The following GUCY2C variants were observed in gnomAD, a reference collection of about 807,000 sequenced individuals.
GUCY2C encodes the protein guanylyl cyclase C.
Under a neutral mutation model 131.1 loss-of-function variants are expected in GUCY2C, and 118 were observed. The ratio of observed to expected loss-of-function variants is 0.90; its 90% CI spans 0.78 to 1.05. The LOEUF (loss-of-function observed/expected upper bound fraction) is 1.05. Ranked by LOEUF, GUCY2C falls within the 50% of genes least tolerant of loss-of-function variation. The pLI, the probability that GUCY2C is intolerant of heterozygous loss-of-function variation, is 0.00. For missense variants in GUCY2C, 1,161 were observed against 1,304.4 expected (o/e 0.89, Z 1.69); for synonymous variants, 452 against 457.8 (o/e 0.99, Z 0.16).
intron 9 of GUCY2C, among the ~76,000 whole-genome samples, chr12:14,671,081 G>A (rs542554276): frequency 1.3e-5 from 2 of 152,054 alleles, no homozygotes; most frequent in East Asian, 3.9e-4. Flanking sequence ...CCCACAACAC[G>A]TGGGAATTCT....
intron 1 of GUCY2C, among the ~76,000 whole-genome samples, chr12:14,695,600 C>CAAAAAA (rs557450619): frequency 3.4e-5 from 2 of 58,600 alleles, no homozygotes; most frequent in African/African-American, 1.1e-4. Context: ...GACTCCATCT[C>CAAAAAA]AAAAAAAAAA....
intron 6 of GUCY2C, among the ~76,000 whole-genome samples, chr12:14,677,763 A>ATTTTTTTT (rs1948268609): frequency 7.6e-6 from 1 of 131,048 alleles, no homozygotes; most frequent in Non-Finnish European, 1.6e-5. Flanking sequence ...TATTTTTAGT[A>ATTTTTTTT]GAGACGGGTT....
intron 16 of GUCY2C, among the ~76,000 whole-genome samples, 176 bp downstream of exon 16, chr12:14,645,053 A>G (rs1463261420): frequency 6.6e-6 from 1 of 152,194 alleles, no homozygotes; most frequent in East Asian, 1.9e-4. Context: ...TGGTCTTGTT[A>G]TAAGCACGTG....
intron 19 of GUCY2C, among the ~76,000 whole-genome samples, chr12:14,638,269 G>C (rs1042970256): frequency 6.6e-6 from 1 of 152,296 alleles, no homozygotes; most frequent in Non-Finnish European, 1.5e-5. Context: ...CTGTTGATGG[G>C]AATGTAAATT....
At position 14,674,733 on chromosome 12, in the gene GUCY2C, A is replaced by G. The variant is rs150232794; in HGVS notation, c.976T>C (p.Leu326=). ...TGTCCAAAGAGCAGGATTCCATTCA[A>G]ATAGGCAAGAGCAAAGTCTCGTTTT... ...PTKRDFALAY[L]NGILLFGHML... Residue 326 remains leucine, a synonymous_variant, in exon 8 of 27, where the codon TTG becomes CTG. Transcript: ENST00000261170. The G allele has an allele frequency of 6.2e-7, 1 of 1,611,648 alleles. No individual in the cohort carries two copies. The highest frequency in any genetic ancestry group is 8.5e-7 in the Non-Finnish European group (1 of 1,178,524).
At chr12:14,680,433 T>C (rs1036184902) in intron 5 of GUCY2C, among the ~76,000 whole-genome samples, 5 of 152,186 alleles carry the variant, frequency 3.3e-5, no homozygotes, top group Admixed American at 1.3e-4. Context: ...TAAATACTTA[T>C]ATATTTCTTT....
intron 9 of GUCY2C, 97 bp from the exon 10 acceptor site, chr12:14,669,930 C>A: frequency 3.7e-6 from 2 of 537,222 alleles, no homozygotes; most frequent in Non-Finnish European, 6.6e-6. Context: ...CGCTTGATTT[C>A]CATAACAATT....
At chr12:14,667,208 T>C (rs1255085462) in intron 10 of GUCY2C, among the ~76,000 whole-genome samples, 1 of 152,136 alleles carries the variant, frequency 6.6e-6, no homozygotes, top group Non-Finnish European at 1.5e-5. Context: ...CTGACAGTTA[T>C]AATTAAGAAG....
chr12:14,612,987 G>A lies in GUCY2C; in HGVS notation c.*130C>T. 1 of 720,292 alleles carries A rather than the reference G, an allele frequency of 1.4e-6. No homozygotes were observed. The highest frequency in any genetic ancestry group is 1.8e-5 in the South Asian group (1 of 56,500). The allele number at this position is 720,292 out of a possible 1,614,324, so 44.6% of individuals were successfully genotyped here. A position where few individuals can be genotyped will look rare whatever the true frequency, so the allele number is the denominator to read the frequency against. ...GCAAGAAAGTCCATGTTCCAGACAG[G>A]GCAGCCAAGCCTAAGTACATTTCTG... On this transcript the variant is annotated 3_prime_UTR_variant, in exon 27 of 27. Transcript: ENST00000261170.
At chr12:14,637,972 AT>A (rs747280982) in intron 19 of GUCY2C, among the ~76,000 whole-genome samples, 1 of 152,200 alleles carries the variant, frequency 6.6e-6, no homozygotes, top group East Asian at 1.9e-4. Flanking sequence ...CAAACTATTA[AT>A]CTGACAAGGA....
In GUCY2C at chr12:14,692,905, A is replaced by G. The variant is rs369225165; in HGVS notation, c.217+3327T>C. Among the ~76,000 whole-genome samples the G allele has an allele frequency of 2.4e-4, 37 of 152,290 alleles. 1 individual carries two copies. The highest frequency in any genetic ancestry group is 8.4e-4 in the African/African-American group (35 of 41,560). ...ACCAAAATATTTGAGAATGGCTTCT[A>G]TGGAGCATAGTATAATATGCTGCCT... On this transcript the variant is annotated intron_variant, in intron 1 of 26. Coordinates refer to ENST00000261170, the MANE Select transcript of GUCY2C (RefSeq NM_004963.4).
chr12:14,684,613 C>T (rs1592145832), intron 3 of GUCY2C, among the ~76,000 whole-genome samples: 26 of 16,748 alleles, frequency 1.6e-3, no homozygotes, highest in African/African-American at 4.0e-3. Context: ...TCCTTCCTTC[C>T]TTCCTTCCTT....
chr12:14,662,020 A>G (rs1947877353), intron 10 of GUCY2C, among the ~76,000 whole-genome samples: 1 of 152,182 alleles, frequency 6.6e-6, no homozygotes, highest in Non-Finnish European at 1.5e-5. Context: ...ATACTCCTAC[A>G]CAGAGAAGGA....
intron 1 of GUCY2C, among the ~76,000 whole-genome samples, chr12:14,692,954 A>C (rs1470999312): frequency 1.3e-5 from 2 of 152,164 alleles, no homozygotes; most frequent in Non-Finnish European, 2.9e-5. Context: ...TTTTATGTGT[A>C]CTGCTTTCTC....
At position 14,669,803 on chromosome 12, in the gene GUCY2C, C is replaced by T. The variant is rs201126623; in HGVS notation, c.1201G>A (p.Val401Ile). 9.2e-5 allele frequency: 146 copies of T among 1,594,500 alleles called. No homozygotes were observed. In the East Asian group the frequency reaches 1.5e-3, roughly 17 times the overall value. Residue 401 changes from valine (V) to isoleucine (I), a missense_variant, in exon 10 of 27, where the codon GTA becomes ATA. Val to Ile is a conservative substitution (Grantham distance 29). Transcript: ENST00000261170. ...YKVLLTYDTH[V>I]NKTYPVDMSP... ...ATATCCACAGGATAGGTCTTATTTACGTGGGTATCATAGGTCAAAAGAACC... is the reference window on the plus strand; with the variant it reads ...ATATCCACAGGATAGGTCTTATTTATGTGGGTATCATAGGTCAAAAGAACC...
chr12:14,696,131 A>G (rs1948650450), intron 1 of GUCY2C, 101 bp downstream of exon 1: 4 of 905,062 alleles, frequency 4.4e-6, no homozygotes, highest in East Asian at 2.5e-5. Context: ...CAGTCCTTAG[A>G]GAAAGTTGTG....
chr12:14,656,673 C>G, intron 11 of GUCY2C, 56 bp from the exon 12 acceptor site: 1 of 858,044 alleles, frequency 1.2e-6, no homozygotes. Flanking sequence ...TGTCATTCAG[C>G]TTCTGAAGAC....
intron 20 of GUCY2C, 145 bp downstream of exon 20, chr12:14,628,501 T>A (rs940139600): frequency 3.4e-6 from 2 of 595,644 alleles, no homozygotes; most frequent in Middle Eastern, 4.7e-4. Context: ...CTCCATATCA[T>A]TTTAATGTTA....
intron 6 of GUCY2C, among the ~76,000 whole-genome samples, chr12:14,678,805 A>G (rs1343813752): frequency 1.3e-5 from 2 of 152,162 alleles, no homozygotes; most frequent in Admixed American, 6.5e-5. Flanking sequence ...CATGGCAGTG[A>G]CACCTTCTTC....
Sources: gnomAD v4.1 joint callset for allele counts (sites outside exome capture counted in the v4.1 genomes callset) on GRCh38, gnomAD v4.1.1 for gene constraint, MANE v1.5 for transcripts, NCBI Gene and HGNC (gene_info 2026-07-23, HGNC 2026-07-21) for gene names.